The following DPP10 variants were observed in gnomAD, a reference collection of about 807,000 sequenced individuals.
The protein encoded by DPP10 is inactive dipeptidyl peptidase 10.
DPP10 carries 33 observed loss-of-function variants against 120.9 expected under a neutral mutation model. The observed-to-expected ratio is 0.27, with a 90% confidence interval of 0.21 to 0.37. DPP10 has a LOEUF of 0.37. DPP10 is among the 10% of genes least tolerant of loss of function. DPP10 has a pLI of 1.00. For missense variants in DPP10, 816 were observed against 942.8 expected, an observed-to-expected ratio of 0.87 and a Z score of 1.76; for synonymous variants, 337 against 326.1, an observed-to-expected ratio of 1.03 and a Z score of -0.36.
intron 1 of DPP10, among the ~76,000 whole-genome samples, chr2:114,918,237 C>T (rs1694946073): frequency 6.6e-6 from 1 of 152,058 alleles, no homozygotes; most frequent in East Asian, 1.9e-4. Context: ...CAAATCAAAA[C>T]AGCACAATGA....
chr2:114,607,820 G>A (rs1367597687), intron 1 of DPP10, among the ~76,000 whole-genome samples: 1 of 152,206 alleles, frequency 6.6e-6, no homozygotes, highest in Non-Finnish European at 1.5e-5. Flanking sequence ...CCACTATGTG[G>A]TTTGGACACG....
chr2:115,048,015 A>G (rs1373850322), intron 1 of DPP10, among the ~76,000 whole-genome samples: 3 of 152,118 alleles, frequency 2.0e-5, no homozygotes, highest in African/African-American at 7.2e-5. Context: ...ATGATTTCTC[A>G]TATTTTATGA....
At chr2:114,753,596 A>C (rs990381220) in intron 1 of DPP10, among the ~76,000 whole-genome samples, 1 of 151,944 alleles carries the variant, frequency 6.6e-6, no homozygotes, top group African/African-American at 2.4e-5. Flanking sequence ...AAAACCTGCA[A>C]TCTCGAGAAA....
At chr2:114,710,016 CTT>C (rs1305035493) in intron 1 of DPP10, among the ~76,000 whole-genome samples, 1 of 152,218 alleles carries the variant, frequency 6.6e-6, no homozygotes, top group Non-Finnish European at 1.5e-5. Flanking sequence ...AGGCCACACT[CTT>C]TTGAGCTTTT....
intron 1 of DPP10, among the ~76,000 whole-genome samples, chr2:114,565,819 G>C (rs1689151670): frequency 6.6e-6 from 1 of 152,170 alleles, no homozygotes; most frequent in South Asian, 2.1e-4. Context: ...TTTGCTAAGT[G>C]TCTGCTATGG....
chr2:115,548,149 G>A (rs557426352), intron 5 of DPP10, among the ~76,000 whole-genome samples: 9 of 152,214 alleles, frequency 5.9e-5, no homozygotes, highest in African/African-American at 1.9e-4. Flanking sequence ...ATGTGCTGAA[G>A]GTTATAAGCA....
intron 5 of DPP10, among the ~76,000 whole-genome samples, chr2:115,542,102 T>C (rs1317695380): frequency 2.0e-5 from 3 of 151,930 alleles, no homozygotes; most frequent in Non-Finnish European, 4.4e-5. Flanking sequence ...TTGCATATGC[T>C]CATTTTCTGA....
intron 1 of DPP10, among the ~76,000 whole-genome samples, chr2:115,002,342 G>T (rs540709567): frequency 2.0e-5 from 3 of 152,014 alleles, no homozygotes; most frequent in Non-Finnish European, 2.9e-5. Context: ...GAAAATGACC[G>T]CTTCCTCATA....
chr2:115,206,682 G>A lies in DPP10; in HGVS notation c.61-102557G>A, dbSNP rs573937070. On this transcript the variant is annotated intron_variant, in intron 1 of 25. Transcript: ENST00000410059. ...AGAGAAACATTTTTGGCAGGGGATG[G>A]GTTGTGGGCAACCATTTTATTATTC... 2.6e-5 allele frequency among the ~76,000 whole-genome samples: 4 copies of A among 152,204 alleles called. No individual in the cohort carries two copies. In the South Asian group the frequency reaches 8.3e-4, roughly 32 times the overall value.
intron 1 of DPP10, among the ~76,000 whole-genome samples, chr2:114,580,029 T>C (rs1690370933): frequency 6.6e-6 from 1 of 152,204 alleles, no homozygotes; most frequent in African/African-American, 2.4e-5. Context: ...CCTTCCCTTG[T>C]AGGTCAGATA....
chr2:114,453,480 C>T (rs1413354459), intron 1 of DPP10, among the ~76,000 whole-genome samples: 2 of 152,008 alleles, frequency 1.3e-5, no homozygotes, highest in Admixed American at 1.3e-4. Context: ...TGGTGATATC[C>T]CTCATCAAAT....
intron 1 of DPP10, among the ~76,000 whole-genome samples, chr2:115,120,285 C>T (rs1451224716): frequency 1.3e-5 from 2 of 152,182 alleles, no homozygotes; most frequent in Non-Finnish European, 2.9e-5. Flanking sequence ...GATAGACCTC[C>T]TCATCCTGGG....
intron 1 of DPP10, chr2:114,462,029 A>G (rs946779089): frequency 2.6e-5 from 26 of 985,274 alleles, no homozygotes; most frequent in African/African-American, 3.5e-5. Context: ...AATTCATCGC[A>G]GTTGAGAGAA....
intron 1 of DPP10, among the ~76,000 whole-genome samples, chr2:114,555,900 A>G (rs955091097): frequency 2.6e-5 from 4 of 152,258 alleles, no homozygotes; most frequent in Non-Finnish European, 5.9e-5. Flanking sequence ...TCAAGGCACA[A>G]GTAACATCCT....
At chr2:115,786,710 A>G (rs1683385680) in intron 17 of DPP10, among the ~76,000 whole-genome samples, 1 of 152,202 alleles carries the variant, frequency 6.6e-6, no homozygotes, top group Admixed American at 6.5e-5. Context: ...TAATACAATG[A>G]TATCTCTGAG....
At chr2:114,574,339 G>T (rs1252307871) in intron 1 of DPP10, among the ~76,000 whole-genome samples, 1 of 152,080 alleles carries the variant, frequency 6.6e-6, no homozygotes, top group Non-Finnish European at 1.5e-5. Flanking sequence ...TCTCTAGCAG[G>T]GTCAGCATCC....
chr2:114,566,999 G>A (rs1021503831), intron 1 of DPP10, among the ~76,000 whole-genome samples: 1 of 152,150 alleles, frequency 6.6e-6, no homozygotes, highest in African/African-American at 2.4e-5. Flanking sequence ...TACAGCACCA[G>A]AGTGGGCTGA....
At chr2:114,762,519 A>G (rs1247959466) in intron 1 of DPP10, among the ~76,000 whole-genome samples, 2 of 152,262 alleles carry the variant, frequency 1.3e-5, no homozygotes, top group African/African-American at 2.4e-5. Flanking sequence ...ATGGCTTTAA[A>G]TGCTTTTGAG....
chr2:115,741,122 C>A (rs776857752), intron 9 of DPP10, among the ~76,000 whole-genome samples: 2 of 151,808 alleles, frequency 1.3e-5, no homozygotes. Flanking sequence ...TTCATTTTAT[C>A]CAAAGGCAAA....
Sources: gnomAD v4.1 joint callset for allele counts (sites outside exome capture counted in the v4.1 genomes callset) on GRCh38, gnomAD v4.1.1 for gene constraint, MANE v1.5 for transcripts, NCBI Gene and HGNC (gene_info 2026-07-23, HGNC 2026-07-21) for gene names.